The following SZRD1 variants were observed in gnomAD, a reference collection of about 807,000 sequenced individuals.
The protein encoded by SZRD1 is SUZ RNA binding domain containing 1.
A neutral mutation model predicts 17.6 loss-of-function variants in SZRD1; 7 were observed. The observed-to-expected ratio is 0.40, with a 90% confidence interval of 0.23 to 0.75. The LOEUF (loss-of-function observed/expected upper bound fraction) is 0.75, where lower values mean the gene tolerates loss of function less well. Ranked by LOEUF, SZRD1 falls within the 30% of genes least tolerant of loss-of-function variation. SZRD1 has a pLI of 0.38. For missense variants in SZRD1, 178 were observed against 201.8 expected, an observed-to-expected ratio of 0.88 and a Z score of 0.71; for synonymous variants, 77 against 77.9, an observed-to-expected ratio of 0.99 and a Z score of 0.06.
chr1:16,371,612 C>T (rs1246375855), intron 1 of SZRD1, among the ~76,000 whole-genome samples: 1 of 151,932 alleles, frequency 6.6e-6, no homozygotes, highest in African/African-American at 2.4e-5. Flanking sequence ...CAGGCACCCA[C>T]CACCACGCCT....
At chr1:16,376,210 A>G (rs745597408) in intron 1 of SZRD1, among the ~76,000 whole-genome samples, 1 of 152,130 alleles carries the variant, frequency 6.6e-6, no homozygotes, top group Admixed American at 6.6e-5. Context: ...TTTTGGAGCA[A>G]TTTGTTTACA....
intron 1 of SZRD1, among the ~76,000 whole-genome samples, chr1:16,373,961 A>G (rs61770590): frequency 0.084 from 12,741 of 152,232 alleles, 704 homozygotes; most frequent in Non-Finnish European, 0.12. Context: ...TCTTTGGAGA[A>G]GAGGCCATTC....
At chr1:16,374,917 G>A (rs1017477389) in intron 1 of SZRD1, among the ~76,000 whole-genome samples, 4 of 152,060 alleles carry the variant, frequency 2.6e-5, no homozygotes, top group Non-Finnish European at 4.4e-5. Context: ...TAGCTCTGTC[G>A]CCGAGGCTGG....
At chr1:16,387,526 G>A (rs76744455) in intron 1 of SZRD1, 4,607 of 456,692 alleles carry the variant, frequency 0.01, 191 homozygotes, top group African/African-American at 0.083. Context: ...GCCAAAGCTT[G>A]TTGGCCGTCA....
At chr1:16,389,347 C>G (rs369730692) in intron 1 of SZRD1, among the ~76,000 whole-genome samples, 4,025 of 151,928 alleles carry the variant, frequency 0.026, 176 homozygotes, top group African/African-American at 0.09. Context: ...TCACTGCAAG[C>G]TTCGCCTCCC....
chr1:16,374,970 C>T lies in SZRD1; in HGVS notation c.51+7662C>T, dbSNP rs548560734. ...TCAGCTCGCTGCAACCTCTGCCTCC[C>T]GGGTTCGAGCGATTCTCCTGCCTCA... is the stretch of plus-strand genomic sequence containing the variant. On this transcript the variant is annotated intron_variant, in intron 1 of 3. Transcript: ENST00000401088. Among the ~76,000 whole-genome samples, 19 of 151,980 alleles carry T rather than the reference C, an allele frequency of 1.3e-4. 3 individuals are homozygous for T. The South Asian group carries it at 3.9e-3, about 32-fold the overall frequency.
rs113488326 is a variant in SZRD1 at position 16,389,553 on chromosome 1, C to T, written c.52-1822C>T. ...GTCTCGATCTCCTGACCTCGTGATC[C>T]GCCCACCTCGGCCTCCCAAAGTGCT... On this transcript the variant is annotated intron_variant, in intron 1 of 3. Coordinates refer to ENST00000401088, the MANE Select transcript of SZRD1 (RefSeq NM_001114600.3). Among the ~76,000 whole-genome samples the T allele has an allele frequency of 2.2e-4, 33 of 151,860 alleles. 1 individual carries two copies. The highest frequency in any genetic ancestry group is 1.6e-3 in the Admixed American group (24 of 15,236).
At position 16,386,245 on chromosome 1, in the gene SZRD1, AG is replaced by A. The variant is rs376207827; in HGVS notation, c.52-5129del. ...CACTTGCCTTGTGCCCACTCACAGC[AG>A]TCACAGCGATGGTTTTCTTTGACTA... On this transcript the variant is annotated intron_variant, in intron 1 of 3. Transcript: ENST00000401088. 3.3e-3 allele frequency among the ~76,000 whole-genome samples: 500 copies of A among 152,354 alleles called. 1 individual carries two copies. Among genetic ancestry groups the A allele is most frequent in the Non-Finnish European group, 5.4e-3 (370 of 68,040 alleles).
chr1:16,392,941 T>G (rs904594025), intron 2 of SZRD1, among the ~76,000 whole-genome samples: 1 of 152,134 alleles, frequency 6.6e-6, no homozygotes, highest in African/African-American at 2.4e-5. Flanking sequence ...GTGGCTGTGG[T>G]GAACATGGGG....
At chr1:16,379,220 C>T (rs1466384253) in intron 1 of SZRD1, among the ~76,000 whole-genome samples, 6 of 150,410 alleles carry the variant, frequency 4.0e-5, no homozygotes, top group Admixed American at 6.6e-5. Context: ...CTGGGATTCA[C>T]GCCATTCTCC....
Position 16,387,200 on chromosome 1 carries a change from C to T in SZRD1, c.52-4175C>T, listed in dbSNP as rs147659415. On this transcript the variant is annotated intron_variant, in intron 1 of 3. Coordinates refer to ENST00000401088, the MANE Select transcript of SZRD1 (RefSeq NM_001114600.3). ...TCATGTTCTAGTTTGGGGACAGAGGCGCATTTACTCAGACATGGCCTACGA... is the reference window on the plus strand; with the variant it reads ...TCATGTTCTAGTTTGGGGACAGAGGTGCATTTACTCAGACATGGCCTACGA... The T allele has an allele frequency of 1.3e-4, 55 of 423,158 alleles. No individual in the cohort carries two copies. The East Asian group carries it at 3.5e-3, about 27-fold the overall frequency. 26.2% of individuals were successfully genotyped at this position (423,158 alleles called of 1,614,324 possible).
At chr1:16,390,887 A>G (rs181696167) in intron 1 of SZRD1, among the ~76,000 whole-genome samples, 1 of 152,126 alleles carries the variant, frequency 6.6e-6, no homozygotes, top group South Asian at 2.1e-4. Flanking sequence ...GGCTAGTGAT[A>G]GCAAAACAGA....
Position 16,367,284 on chromosome 1 carries a change from C to T in SZRD1, c.27C>T (p.Ser9=). 3 of 1,548,868 alleles carry T rather than the reference C, an allele frequency of 1.9e-6. No homozygotes were observed. Among genetic ancestry groups the T allele is most frequent in the Non-Finnish European group, 1.7e-6 (2 of 1,146,574 alleles). The change falls in exon 1 of 4, where the codon AGC becomes AGT. Residue 9 remains serine (S), a synonymous_variant. Transcript: ENST00000401088. ...TGGAAGATGAGGAGGTCGCTGAGAG[C>T]TGGGAAGAGGCGGCAGACAGCGGGG... The part of the protein sequence containing the change: MEDEEVAE[S]WEEAADSGEI...
chr1:16,379,761 T>G (rs954200322), intron 1 of SZRD1, among the ~76,000 whole-genome samples: 2 of 23,622 alleles, frequency 8.5e-5, no homozygotes, highest in African/African-American at 1.3e-4. Context: ...TGATTTGGGG[T>G]TTTTTTTTTT....
intron 2 of SZRD1, among the ~76,000 whole-genome samples, chr1:16,392,429 G>T (rs1211172572): frequency 6.6e-6 from 1 of 152,040 alleles, no homozygotes; most frequent in Admixed American, 6.6e-5. Context: ...CTGTGTTGTT[G>T]TCCCTCTTTG....
chr1:16,386,274 G>A (rs962181491), intron 1 of SZRD1, among the ~76,000 whole-genome samples: 9 of 152,248 alleles, frequency 5.9e-5, no homozygotes, highest in African/African-American at 2.2e-4. Context: ...TTTGACTAGC[G>A]ATGGAGGTCA....
chr1:16,367,458 C>T (rs1569981399), intron 1 of SZRD1, 150 bp downstream of exon 1: 1 of 678,952 alleles, frequency 1.5e-6, no homozygotes, highest in Non-Finnish European at 2.4e-6. Flanking sequence ...TCCTGAGCGC[C>T]GTGAAGGCCT....
At chr1:16,386,606 G>A (rs1474528639) in intron 1 of SZRD1, among the ~76,000 whole-genome samples, 1 of 152,146 alleles carries the variant, frequency 6.6e-6, no homozygotes, top group Admixed American at 6.5e-5. Context: ...AGGGAGATGC[G>A]ATGCCCTCTC....
At chr1:16,378,430 A>G (rs961074233) in intron 1 of SZRD1, among the ~76,000 whole-genome samples, 1 of 151,524 alleles carries the variant, frequency 6.6e-6, no homozygotes, top group African/African-American at 2.4e-5. Flanking sequence ...AATTACAGGC[A>G]CCTGCCACCG....
Sources: allele counts gnomAD v4.1 joint callset (sites outside exome capture counted in the v4.1 genomes callset), GRCh38; gene constraint gnomAD v4.1.1; transcripts MANE v1.5; gene names NCBI Gene and HGNC (gene_info 2026-07-23, HGNC 2026-07-21).